The following OCLN variants were observed in gnomAD, a reference collection of about 807,000 sequenced individuals.
The protein encoded by OCLN is occludin.
Under a neutral mutation model 47.9 loss-of-function variants are expected in OCLN, and 21 were observed. The observed-to-expected ratio is 0.44, with a 90% CI of 0.31 to 0.63. OCLN has a LOEUF of 0.63. OCLN is among the 30% of genes least tolerant of loss of function. OCLN has a pLI of 0.08. For missense variants in OCLN, 360 were observed against 571.0 expected (o/e 0.63, Z 3.77); for synonymous variants, 117 against 198.4 (o/e 0.59, Z 3.45).
intron 1 of OCLN, among the ~76,000 whole-genome samples, chr5:69,495,241 A>G (rs113647491): frequency 5.3e-5 from 8 of 152,170 alleles, no homozygotes; most frequent in Admixed American, 2.6e-4. Flanking sequence ...TAAACAGACC[A>G]TGCAGATTTA....
rs551652799 is a variant in OCLN, at chr5:69,553,832, T to C, written c.*161T>C. The C allele has an allele frequency of 3.1e-6, 3 of 982,884 alleles. No individual in the cohort carries two copies. Among genetic ancestry groups the C allele is most frequent in the Admixed American group, 2.6e-5 (1 of 39,146 alleles). 60.9% of individuals were successfully genotyped at this position (982,884 alleles called of 1,614,324 possible). A position where few individuals can be genotyped will look rare whatever the true frequency, so the allele number is the denominator to read the frequency against. ...CATCAGTATTGAAGCATTTTATAAA[T>C]CGCTTTTGATAATCAACTGGGCTGA... On this transcript the variant is annotated 3_prime_UTR_variant, in exon 9 of 9. Transcript: ENST00000396442.
At chr5:69,514,832 G>A (rs1344977991) in intron 4 of OCLN, among the ~76,000 whole-genome samples, 8 of 152,308 alleles carry the variant, frequency 5.3e-5, no homozygotes, top group Admixed American at 3.3e-4. Flanking sequence ...AGAGAGCACA[G>A]GGTTGGGGGT....
At chr5:69,502,209 AAG>A (rs1467098126) in intron 1 of OCLN, among the ~76,000 whole-genome samples, 2 of 152,244 alleles carry the variant, frequency 1.3e-5, no homozygotes, top group South Asian at 2.1e-4. Flanking sequence ...AAAAAAAAAA[AAG>A]AGTTGCCATT....
intron 1 of OCLN, among the ~76,000 whole-genome samples, chr5:69,501,887 G>A (rs1000100740): frequency 6.6e-6 from 1 of 151,976 alleles, no homozygotes; most frequent in African/African-American, 2.4e-5. Flanking sequence ...GAAATACACT[G>A]TCCTAAAGGG....
chr5:69,495,928 G>A (rs966635420), intron 1 of OCLN, among the ~76,000 whole-genome samples: 2 of 152,058 alleles, frequency 1.3e-5, no homozygotes, highest in African/African-American at 4.8e-5. Flanking sequence ...CACCTTTATT[G>A]TAGACAGCAA....
At chr5:69,499,393 T>C (rs1173349234) in intron 1 of OCLN, among the ~76,000 whole-genome samples, 2 of 152,160 alleles carry the variant, frequency 1.3e-5, no homozygotes, top group Non-Finnish European at 2.9e-5. Flanking sequence ...TTAATTTTTT[T>C]TTCCCCTGAA....
At chr5:69,507,544 A>G (rs1233111227) in intron 2 of OCLN, among the ~76,000 whole-genome samples, 1 of 152,184 alleles carries the variant, frequency 6.6e-6, no homozygotes, top group Non-Finnish European at 1.5e-5. Flanking sequence ...TTGGCTTCAT[A>G]GCACTGTAGA....
chr5:69,496,766 A>G (rs979645349), intron 1 of OCLN, among the ~76,000 whole-genome samples: 3 of 152,008 alleles, frequency 2.0e-5, no homozygotes, highest in African/African-American at 7.2e-5. Flanking sequence ...GTCAGTAAAC[A>G]TTGTCAAGGG....
chr5:69,496,065 T>C lies in OCLN; in HGVS notation c.-69+3165T>C, dbSNP rs562340257. ...TTAGACAATTTACTAATGATGTGCC[T>C]GTAGTCTAAATCATTTAATATAAGG... On this transcript the variant is annotated intron_variant, in intron 1 of 8. Transcript: ENST00000396442. Among the ~76,000 whole-genome samples, 11 of 152,328 alleles carry C rather than the reference T, an allele frequency of 7.2e-5. No homozygotes were observed. In the East Asian group the frequency reaches 1.7e-3, roughly 24 times the overall value.
intron 1 of OCLN, among the ~76,000 whole-genome samples, chr5:69,495,294 G>A (rs1438057195): frequency 2.0e-5 from 3 of 152,096 alleles, no homozygotes; most frequent in Admixed American, 1.3e-4. Flanking sequence ...CCGCTGTTCC[G>A]TAACCCAGTG....
At chr5:69,513,058 T>C (rs1051772977) in intron 3 of OCLN, among the ~76,000 whole-genome samples, 6 of 152,190 alleles carry the variant, frequency 3.9e-5, no homozygotes, top group African/African-American at 1.2e-4. Context: ...CCATGGTAGA[T>C]AGGGACTGAG....
In OCLN at chr5:69,526,632, A is replaced by G. The variant is rs186264893; in HGVS notation, c.892-8062A>G. On this transcript the variant is annotated intron_variant, in intron 4 of 8. Coordinates refer to ENST00000396442, the MANE Select transcript of OCLN (RefSeq NM_001205254.2). Reference sequence around the variant, plus strand: ...TGGTGTCAACCTAAAGATTGACACAATTATAAATTTAGAAAGGATCTCCAG... The same window carrying G: ...TGGTGTCAACCTAAAGATTGACACAGTTATAAATTTAGAAAGGATCTCCAG... Among the ~76,000 whole-genome samples the G allele has an allele frequency of 8.3e-3, 1,264 of 151,852 alleles. 7 individuals are homozygous for G. The highest frequency in any genetic ancestry group is 0.012 in the Non-Finnish European group (843 of 67,878).
intron 4 of OCLN, among the ~76,000 whole-genome samples, chr5:69,521,100 G>A (rs891028350): frequency 6.6e-6 from 1 of 152,156 alleles, no homozygotes; most frequent in Non-Finnish European, 1.5e-5. Context: ...GCCTCCCAAA[G>A]TGCTGGGATT....
chr5:69,531,211 G>A (rs1483552838), intron 4 of OCLN, among the ~76,000 whole-genome samples: 3 of 152,194 alleles, frequency 2.0e-5, no homozygotes, highest in Non-Finnish European at 4.4e-5. Flanking sequence ...GCCATTGTTC[G>A]GCAGTGCATA....
rs1026897038 is a variant in OCLN, at chr5:69,493,491, C to G, written c.-69+591C>G. Among the ~76,000 whole-genome samples, 35 of 152,052 alleles carry G rather than the reference C, an allele frequency of 2.3e-4. No individual in the cohort carries two copies. Among genetic ancestry groups the G allele is most frequent in the Non-Finnish European group, 4.4e-4 (30 of 67,994 alleles). On this transcript the variant is annotated intron_variant, in intron 1 of 8. Transcript: ENST00000396442. The surrounding 1 kb of genome is among the most constrained non-coding windows in gnomAD (Gnocchi z 5.3). ...ACGGTGTGGGCCACACTGGCTACTTCGAATCCACTTGTTGCGAGTTGTGTG... is the reference window on the plus strand; with the variant it reads ...ACGGTGTGGGCCACACTGGCTACTTGGAATCCACTTGTTGCGAGTTGTGTG...
intron 1 of OCLN, among the ~76,000 whole-genome samples, chr5:69,498,058 G>C (rs1246459005): frequency 6.6e-6 from 1 of 151,740 alleles, no homozygotes; most frequent in Non-Finnish European, 1.5e-5. Flanking sequence ...CGTGAACCCG[G>C]GAGGCGGAGC....
chr5:69,524,795 T>C (rs998189420), intron 4 of OCLN, among the ~76,000 whole-genome samples: 2 of 152,224 alleles, frequency 1.3e-5, no homozygotes, highest in African/African-American at 4.8e-5. Context: ...CAAGCAATTT[T>C]CCCACTTCAG....
intron 3 of OCLN, among the ~76,000 whole-genome samples, chr5:69,513,399 A>G (rs1768839409): frequency 6.6e-6 from 1 of 152,266 alleles, no homozygotes; most frequent in Admixed American, 6.5e-5. Context: ...TAGCTTGATT[A>G]GATCCATGTC....
intron 3 of OCLN, among the ~76,000 whole-genome samples, chr5:69,511,863 A>G (rs531543766): frequency 1.3e-5 from 2 of 152,126 alleles, no homozygotes; most frequent in South Asian, 2.1e-4. Flanking sequence ...CATCTCTACT[A>G]AAAATAGAAA....
Sources: gnomAD v4.1 joint callset for allele counts (sites outside exome capture counted in the v4.1 genomes callset) on GRCh38, gnomAD v4.1.1 for gene constraint, Gnocchi (gnomAD v3.1) non-coding constraint, MANE v1.5 for transcripts, NCBI Gene and HGNC (gene_info 2026-07-23, HGNC 2026-07-21) for gene names.